FBF1: variants seen among roughly 807,000 people sequenced by gnomAD.
FBF1 encodes the protein fas-binding factor 1.
A neutral mutation model predicts 147.2 loss-of-function variants in FBF1; 119 were observed. The ratio of observed to expected loss-of-function variants is 0.81; its 90% CI spans 0.70 to 0.94. The LOEUF (loss-of-function observed/expected upper bound fraction) is 0.94, where lower values mean the gene tolerates loss of function less well. FBF1 is among the 40% of genes least tolerant of loss of function. FBF1 has a pLI of 0.00. For missense variants in FBF1, 1,449 were observed against 1,500.8 expected (o/e 0.97, Z 0.57); for synonymous variants, 601 against 609.0 (o/e 0.99, Z 0.19).
rs55870192 is a variant in FBF1 at position 75,919,167 on chromosome 17, A to G, written c.2138+501T>C. On this transcript the variant is annotated intron_variant, in intron 20 of 29. Transcript: ENST00000636174. This position sits in a 1 kb window ranked among gnomAD's most constrained non-coding sequence, Gnocchi z 5.0. ...AGTGATCCTCCCACCTCGGCCTCCC[A>G]AAGTGCTGGGATTACAGGTGTGAGC... Among the ~76,000 whole-genome samples, 16,539 of 152,166 alleles carry G rather than the reference A, an allele frequency of 0.11. 1,321 individuals are homozygous for G. Among genetic ancestry groups the G allele is most frequent in the African/African-American group, 0.22 (9,241 of 41,504 alleles).
rs1398085320 is a variant in FBF1, at chr17:75,920,425, A to C, written c.1679T>G (p.Leu560Arg). 1 of 1,605,226 alleles carries C rather than the reference A, an allele frequency of 6.2e-7. No homozygotes were observed. The highest frequency in any genetic ancestry group is 2.2e-5 in the East Asian group (1 of 44,704). ...PTEPSVPVQP[L>R]LPESLARSLL... The stretch of plus-strand genomic sequence containing the variant: ...GCTCCGGGCCAGGGACTCTGGGAGC[A>C]GGGGCTGGAGGAGAGGAAGAGAGGT... Residue 560 changes from leucine to arginine, a missense_variant, in exon 18 of 30, where the codon CTG becomes CGG. Transcript: ENST00000636174.
rs768142271 is a variant in FBF1 at position 75,918,165 on chromosome 17, G to A, written c.2243C>T (p.Thr748Met). The change falls in exon 21 of 30, where the codon ACG (threonine) becomes ATG (methionine). Residue 748 changes from threonine (T) to methionine (M), a missense_variant. By Grantham distance (81) the Thr-to-Met change is moderately conservative (BLOSUM62 -1). Transcript: ENST00000636174. The surrounding 1 kb of genome is among the most constrained non-coding windows in gnomAD (Gnocchi z 5.8). ...VDAATSATSHTRSLNSIIHQM... is the reference protein window; with the variant it reads ...VDAATSATSHMRSLNSIIHQM... ...ATGGTTGGGGCAGCGCACATACCGC[G>A]TGTGGGAGGTGGCACTGGTGGCCGC... 37 of 1,613,378 alleles carry A rather than the reference G, an allele frequency of 2.3e-5. No homozygotes were observed. The Admixed American group carries it at 5.2e-4, about 23-fold the overall frequency.
intron 25 of FBF1, 104 bp downstream of exon 25, chr17:75,914,643 A>AT: frequency 4.9e-6 from 6 of 1,217,570 alleles, no homozygotes; most frequent in Non-Finnish European, 6.7e-6. Context: ...CTCTTGTGAC[A>AT]TTAGTGCTAC....
intron 9 of FBF1, 96 bp downstream of exon 9, chr17:75,927,359 C>T (rs2144181679): frequency 9.9e-7 from 1 of 1,006,452 alleles, no homozygotes; most frequent in Non-Finnish European, 1.5e-6. Flanking sequence ...ACCCATGTGA[C>T]ATAGGCAGCA....
rs1184122479 is a variant in FBF1, at chr17:75,940,906, G to T, written c.-142C>A. The T allele has an allele frequency of 6.5e-6, 1 of 153,452 alleles. No homozygotes were observed. Among genetic ancestry groups the T allele is most frequent in the Non-Finnish European group, 1.5e-5 (1 of 68,146 alleles). 9.5% of individuals were successfully genotyped at this position (153,452 alleles called of 1,614,324 possible). Reference sequence around the variant, plus strand: ...CGCAGCCTGTAACGCTCTCAGCCCCGGAAGCCTCCTGTTACGCGCCGTGCC... The same window carrying T: ...CGCAGCCTGTAACGCTCTCAGCCCCTGAAGCCTCCTGTTACGCGCCGTGCC... On this transcript the variant is annotated 5_prime_UTR_variant, in exon 1 of 30. Coordinates refer to ENST00000636174, the MANE Select transcript of FBF1 (RefSeq NM_001319193.2).
intron 3 of FBF1, among the ~76,000 whole-genome samples, chr17:75,937,100 A>G (rs1323263292): frequency 6.6e-6 from 1 of 152,168 alleles, no homozygotes; most frequent in Admixed American, 6.5e-5. Context: ...TTCTCTGAGG[A>G]CCAGTGAGGC....
Position 75,910,088 on chromosome 17 carries a change from C to T in FBF1, c.*635G>A, listed in dbSNP as rs1053445518. 1.7e-6 allele frequency: 1 copy of T among 583,240 alleles called. No individual in the cohort carries two copies. The highest frequency in any genetic ancestry group is 3.2e-6 in the Non-Finnish European group (1 of 309,772). The allele number at this position is 583,240 out of a possible 1,614,324, so 36.1% of individuals were successfully genotyped here. ...CAGATGGGGAGGAAGCTGAGGAGGC[C>T]ACTGTTCACCCAAACTGGTTGGTCC... is the stretch of plus-strand genomic sequence containing the variant. On this transcript the variant is annotated 3_prime_UTR_variant, in exon 30 of 30. Transcript: ENST00000636174. This position sits in a 1 kb window ranked among gnomAD's most constrained non-coding sequence, Gnocchi z 4.1.
rs2065661120 is a variant in FBF1, at chr17:75,941,013, T to G, written c.-249A>C. 1 of 152,214 alleles carries G rather than the reference T, an allele frequency of 6.6e-6. No individual in the cohort carries two copies. The highest frequency in any genetic ancestry group is 2.1e-4 in the South Asian group (1 of 4,832). The allele number at this position is 152,214 out of a possible 1,614,324, so 9.4% of individuals were successfully genotyped here. A position where few individuals can be genotyped will look rare whatever the true frequency, so the allele number is the denominator to read the frequency against. ...GCCCGGCCAGGACTGGCCTCCCGCTTCCAGCCGCTGCCGGCACCCTCAGCC... is the reference window on the plus strand; with the variant it reads ...GCCCGGCCAGGACTGGCCTCCCGCTGCCAGCCGCTGCCGGCACCCTCAGCC... On this transcript the variant is annotated 5_prime_UTR_variant, in exon 1 of 30. Transcript: ENST00000636174.
rs776576581 is a variant in FBF1, at chr17:75,923,604, C to T, written c.1006G>A (p.Glu336Lys). 5.6e-6 allele frequency: 9 copies of T among 1,610,180 alleles called. No individual in the cohort carries two copies. Among genetic ancestry groups the T allele is most frequent in the East Asian group, 2.2e-5 (1 of 44,844 alleles). Residue 336 changes from glutamate to lysine, a missense_variant, in exon 14 of 30, where the codon GAA becomes AAA. By Grantham distance (56) the Glu-to-Lys change is moderately conservative. Transcript: ENST00000636174. This position sits in a 1 kb window ranked among gnomAD's most constrained non-coding sequence, Gnocchi z 4.1. ...FADSGADPKG[E>K]PGSKQSPPMA... ...GGAGGGCTCTGTTTGGAGCCTGGTT[C>T]TCCCTTGGGGTCTGCGCCACTGTCT...
At chr17:75,920,539 G>T in intron 17 of FBF1, 110 bp from the exon 18 acceptor site, 1 of 1,182,448 alleles carries the variant, frequency 8.5e-7, no homozygotes, top group Non-Finnish European at 1.2e-6. Flanking sequence ...TCTGATCTGT[G>T]GCTGCAGATG....
At chr17:75,927,998 C>A in intron 8 of FBF1, 78 bp downstream of exon 8, 1 of 1,214,686 alleles carries the variant, frequency 8.2e-7, no homozygotes, top group Non-Finnish European at 1.2e-6. Context: ...CTACTAGCAT[C>A]TTCCACGTCC....
rs543746256 is a variant in FBF1, at chr17:75,910,987, TCTCAATCCTGG to T, written c.3364-192_3364-182del. On this transcript the variant is annotated intron_variant, in intron 29 of 29. Transcript: ENST00000636174. This position sits in a 1 kb window ranked among gnomAD's most constrained non-coding sequence, Gnocchi z 4.1. ...AGGTATGGAGTGAGACAGACCACAG[TCTCAATCCTGG>T]CAAGGTTACTTGTTTGCTGTGGAAC... is the stretch of plus-strand genomic sequence containing the variant. 7.7e-3 allele frequency among the ~76,000 whole-genome samples: 1,174 copies of T among 152,252 alleles called. 15 individuals carry two copies. Among genetic ancestry groups the T allele is most frequent in the Middle Eastern group, 0.037 (11 of 294 alleles).
intron 7 of FBF1, among the ~76,000 whole-genome samples, chr17:75,929,683 G>A (rs1463895503): frequency 6.6e-6 from 1 of 152,110 alleles, no homozygotes. Context: ...AGCATTAGAG[G>A]AAAGAGTCTC....
intron 29 of FBF1, 68 bp downstream of exon 29, chr17:75,912,124 T>C: frequency 4.8e-6 from 7 of 1,468,200 alleles, no homozygotes; most frequent in Non-Finnish European, 6.5e-6. Flanking sequence ...CATGTGCTCC[T>C]CCCTGCCTCT....
chr17:75,910,109 G>T lies in FBF1; in HGVS notation c.*614C>A. 1 of 531,972 alleles carries T rather than the reference G, an allele frequency of 1.9e-6. No homozygotes were observed. The highest frequency in any genetic ancestry group is 3.6e-6 in the Non-Finnish European group (1 of 278,196). The allele number at this position is 531,972 out of a possible 1,614,324, so 33.0% of individuals were successfully genotyped here. On this transcript the variant is annotated 3_prime_UTR_variant, in exon 30 of 30. Transcript: ENST00000636174. The surrounding 1 kb of genome is among the most constrained non-coding windows in gnomAD (Gnocchi z 4.1). ...AGGCCACTGTTCACCCAAACTGGTT[G>T]GTCCTTCGGGCAATGCTGGGAATAG...
At chr17:75,914,075 G>A in intron 26 of FBF1, 25 bp from the exon 27 acceptor site, 1 of 1,592,668 alleles carries the variant, frequency 6.3e-7, no homozygotes, top group Non-Finnish European at 8.5e-7. Flanking sequence ...CCTGGGTCAG[G>A]GCTGCCTGGG....
Position 75,923,269 on chromosome 17 carries a change from G to C in FBF1, c.1341C>G (p.Ser447=), listed in dbSNP as rs368615484. 2.4e-5 allele frequency: 38 copies of C among 1,590,438 alleles called. No homozygotes were observed. The highest frequency in any genetic ancestry group is 3.2e-5 in the Non-Finnish European group (37 of 1,168,994). ...CATGCTGCTCTCTGGCCAGGCCTTGGGACTTCTTCCGAGACAGGGCATGGC... is the reference window on the plus strand; with the variant it reads ...CATGCTGCTCTCTGGCCAGGCCTTGCGACTTCTTCCGAGACAGGGCATGGC... ...WLSHALSRKK[S]QGLAREQHAG... The change falls in exon 14 of 30, where the codon TCC becomes TCG. Residue 447 remains serine, a synonymous_variant. Transcript: ENST00000636174. The surrounding 1 kb of genome is among the most constrained non-coding windows in gnomAD (Gnocchi z 4.1).
chr17:75,913,850 A>AGCTGTGAGGTGGGAG (rs2065470139), intron 27 of FBF1, 31 bp from the exon 28 acceptor site: 1 of 1,579,184 alleles, frequency 6.3e-7, no homozygotes, highest in Non-Finnish European at 8.6e-7. Flanking sequence ...AGAAGGACTC[A>AGCTGTGAGGTGGGAG]GCTGTGAGGT....
At position 75,923,215 on chromosome 17, in the gene FBF1, C is replaced by T. The variant is rs566078662; in HGVS notation, c.1395G>A (p.Ala465=). The change falls in exon 14 of 30, where the codon GCG becomes GCA. Residue 465 remains alanine, a synonymous_variant. Coordinates refer to ENST00000636174, the MANE Select transcript of FBF1 (RefSeq NM_001319193.2). This position sits in a 1 kb window ranked among gnomAD's most constrained non-coding sequence, Gnocchi z 4.1. ...CAGAAGGGGGATGGCCCGCTGTCCC[C>T]GCCAAATGCAGGCCCTCAGAGGTCC... ...HAGTSEGLHL[A]GTAGHPPSGS... The T allele has an allele frequency of 1.8e-5, 29 of 1,590,766 alleles. No individual in the cohort carries two copies. The highest frequency in any genetic ancestry group is 5.3e-5 in the Admixed American group (3 of 56,572).
Sources: gnomAD v4.1 joint callset for allele counts (sites outside exome capture counted in the v4.1 genomes callset) on GRCh38, gnomAD v4.1.1 for gene constraint, Gnocchi (gnomAD v3.1) non-coding constraint, MANE v1.5 for transcripts, NCBI Gene and HGNC (gene_info 2026-07-23, HGNC 2026-07-21) for gene names.